GPM6A: variants seen among roughly 807,000 people sequenced by gnomAD.
GPM6A encodes glycoprotein M6A.
GPM6A carries 7 observed loss-of-function variants against 32.1 expected under a neutral mutation model. That is an observed-to-expected ratio of 0.22 (90% CI 0.12 to 0.41). GPM6A has a LOEUF of 0.41. Ranked by LOEUF, GPM6A falls within the 10% of genes least tolerant of loss-of-function variation. The probability of loss-of-function intolerance (pLI) is 1.00; values close to 1 mark genes in which losing one functional copy is unlikely to be tolerated. For synonymous variants in GPM6A, 130 were observed against 123.4 expected (o/e 1.05, Z -0.35); for missense variants, 235 against 347.2 (o/e 0.68, Z 2.57).
intron 1 of GPM6A, among the ~76,000 whole-genome samples, chr4:175,894,933 A>C (rs934074086): frequency 2.0e-5 from 3 of 152,194 alleles, no homozygotes; most frequent in Non-Finnish European, 4.4e-5. Flanking sequence ...TCTAAAAGTC[A>C]AAACACTATT....
chr4:175,888,787 A>C (rs1737542255), intron 1 of GPM6A, among the ~76,000 whole-genome samples: 1 of 152,172 alleles, frequency 6.6e-6, no homozygotes, highest in Non-Finnish European at 1.5e-5. Flanking sequence ...TAAATGCAAC[A>C]CTTACTGAAT....
intron 1 of GPM6A, among the ~76,000 whole-genome samples, chr4:175,913,758 C>T (rs1000465073): frequency 9.2e-5 from 14 of 152,148 alleles, no homozygotes; most frequent in Admixed American, 8.5e-4. Flanking sequence ...CTCAATGAGG[C>T]CTACTCTGAC....
At chr4:175,952,219 C>G (rs1668472590) in intron 1 of GPM6A, among the ~76,000 whole-genome samples, 1 of 152,174 alleles carries the variant, frequency 6.6e-6, no homozygotes, top group African/African-American at 2.4e-5. Flanking sequence ...CTGTTTGACT[C>G]TTGAGAGTCT....
At chr4:175,681,342 C>T (rs183763964) in intron 2 of GPM6A, among the ~76,000 whole-genome samples, 20 of 152,208 alleles carry the variant, frequency 1.3e-4, no homozygotes, top group Non-Finnish European at 2.5e-4. Context: ...CTTAGGTATT[C>T]ATGAAATTCA....
chr4:175,842,341 A>T (rs1164359556), intron 1 of GPM6A, among the ~76,000 whole-genome samples: 1 of 152,198 alleles, frequency 6.6e-6, no homozygotes, highest in Non-Finnish European at 1.5e-5. Context: ...CCCTCATAAC[A>T]ATCCTGTGTA....
intron 1 of GPM6A, among the ~76,000 whole-genome samples, chr4:175,989,536 T>C (rs1741074834): frequency 6.6e-6 from 1 of 152,082 alleles, no homozygotes; most frequent in Admixed American, 6.6e-5. Context: ...TGAAAATAAA[T>C]TTTAATAATG....
intron 2 of GPM6A, among the ~76,000 whole-genome samples, chr4:175,685,560 A>G (rs979064020): frequency 1.3e-5 from 2 of 152,170 alleles, no homozygotes; most frequent in Admixed American, 1.3e-4. Flanking sequence ...TTCTATTATT[A>G]TTGGAATTGG....
chr4:175,881,718 A>T (rs1737283070), intron 1 of GPM6A, among the ~76,000 whole-genome samples: 1 of 152,174 alleles, frequency 6.6e-6, no homozygotes, highest in Admixed American at 6.5e-5. Flanking sequence ...GCTGGAAACC[A>T]TCATTCTCAG....
intron 2 of GPM6A, among the ~76,000 whole-genome samples, chr4:175,700,898 G>A (rs1289568435): frequency 3.3e-5 from 5 of 152,030 alleles, no homozygotes; most frequent in Admixed American, 6.6e-5. Flanking sequence ...TCTATATTAT[G>A]CAATAAGGAG....
At position 175,877,473 on chromosome 4, in the gene GPM6A, C is replaced by A. The variant is rs568635105; in HGVS notation, c.-22-65224G>T. ...TTGACTCACAGTTCTTCATGGCTGG[C>A]GAGGCCTCAAGAAACTTATAATCAT... On this transcript the variant is annotated intron_variant, in intron 1 of 7. Transcript: ENST00000280187. Among the ~76,000 whole-genome samples, 3 of 152,154 alleles carry A rather than the reference C, an allele frequency of 2.0e-5. 1 individual carries two copies. The highest frequency in any genetic ancestry group is 4.2e-4 in the South Asian group (2 of 4,818).
In GPM6A at chr4:175,734,159, TA is replaced by T. The variant is rs386419556; in HGVS notation, c.38-32393del. ...CCATATATATATATATATATATATA[TA>T]TTTTTTAATTTCAACATCTGATTGC... is the stretch of plus-strand genomic sequence containing the variant. On this transcript the variant is annotated intron_variant, in intron 1 of 6. Coordinates refer to ENST00000393658, the MANE Select transcript of GPM6A (RefSeq NM_201591.3). Among the ~76,000 whole-genome samples, 692 of 120,670 alleles carry T rather than the reference TA, an allele frequency of 5.7e-3. 4 individuals are homozygous for T. The highest frequency in any genetic ancestry group is 0.01 in the South Asian group (33 of 3,280). 79.2% of individuals were successfully genotyped at this position (120,670 alleles called of 152,430 possible).
chr4:175,798,281 T>C (rs1244765711), intron 1 of GPM6A, among the ~76,000 whole-genome samples: 1 of 152,192 alleles, frequency 6.6e-6, no homozygotes, highest in Non-Finnish European at 1.5e-5. Flanking sequence ...TGTTACATCA[T>C]TTAATAACTT....
At chr4:175,928,365 G>A (rs574175544) in intron 1 of GPM6A, among the ~76,000 whole-genome samples, 4 of 152,246 alleles carry the variant, frequency 2.6e-5, no homozygotes, top group South Asian at 2.1e-4. Context: ...TTGCTCTAGC[G>A]ATACAAGCCT....
intron 1 of GPM6A, among the ~76,000 whole-genome samples, chr4:175,854,870 G>T (rs756867491): frequency 6.6e-6 from 1 of 152,160 alleles, no homozygotes; most frequent in African/African-American, 2.4e-5. Flanking sequence ...CCACCTGAAA[G>T]GATTAAAAGG....
intron 1 of GPM6A, among the ~76,000 whole-genome samples, chr4:175,710,273 T>C (rs1745455674): frequency 6.6e-6 from 1 of 152,138 alleles, no homozygotes; most frequent in South Asian, 2.1e-4. Flanking sequence ...TGTGGAAAGA[T>C]GGATGCTGAG....
intron 1 of GPM6A, among the ~76,000 whole-genome samples, chr4:175,789,736 ACTCT>A (rs1733938262): frequency 6.6e-6 from 1 of 152,082 alleles, no homozygotes; most frequent in Admixed American, 6.6e-5. Context: ...CATCAAACCA[ACTCT>A]CTATTTCTCT....
intron 6 of GPM6A, among the ~76,000 whole-genome samples, chr4:175,635,787 G>T (rs1215815106): frequency 6.6e-6 from 1 of 151,910 alleles, no homozygotes; most frequent in Non-Finnish European, 1.5e-5. Flanking sequence ...TTCCCTCTTG[G>T]TCCACAGGGG....
chr4:175,962,230 A>C, intron 1 of GPM6A: 1 of 1,334,910 alleles, frequency 7.5e-7, no homozygotes, highest in East Asian at 2.3e-5. Context: ...GTGGAACAAG[A>C]GAACATTGAC....
At chr4:175,840,377 G>A (rs1244882765) in intron 1 of GPM6A, among the ~76,000 whole-genome samples, 5 of 152,118 alleles carry the variant, frequency 3.3e-5, no homozygotes, top group Admixed American at 3.3e-4. Context: ...GAGAGTAAAC[G>A]AGTAATAAAA....
Sources: allele counts gnomAD v4.1 joint callset (sites outside exome capture counted in the v4.1 genomes callset), GRCh38; gene constraint gnomAD v4.1.1; transcripts MANE v1.5; gene names NCBI Gene and HGNC (gene_info 2026-07-23, HGNC 2026-07-21).